The following RBFOX1 variants were observed in gnomAD, a reference collection of about 807,000 sequenced individuals.
RBFOX1 encodes the protein RNA binding fox-1 homolog 1.
A neutral mutation model predicts 57.7 loss-of-function variants in RBFOX1; 8 were observed. That is an observed-to-expected ratio of 0.14 (90% CI 0.08 to 0.25). The LOEUF is 0.25. RBFOX1 is among the 10% of genes least tolerant of loss of function. RBFOX1 has a pLI of 1.00. For missense variants in RBFOX1, 611 were observed against 548.5 expected, an observed-to-expected ratio of 1.11 and a Z score of -1.14; for synonymous variants, 326 against 222.4, an observed-to-expected ratio of 1.47 and a Z score of -4.15.
chr16:6,129,761 A>G (rs1319847947), intron 1 of RBFOX1, among the ~76,000 whole-genome samples: 1 of 149,396 alleles, frequency 6.7e-6, no homozygotes, highest in African/African-American at 2.5e-5. Context: ...AAAAAAAACC[A>G]TAGATAATAT....
At chr16:7,513,250 C>T (rs1037895444) in intron 4 of RBFOX1, among the ~76,000 whole-genome samples, 6 of 140,694 alleles carry the variant, frequency 4.3e-5, no homozygotes, top group Non-Finnish European at 7.6e-5. Flanking sequence ...GTAACAGGAG[C>T]AAAACTCTGT....
intron 3 of RBFOX1, among the ~76,000 whole-genome samples, chr16:5,849,777 G>A (rs192571060): frequency 1.4e-4 from 22 of 152,160 alleles, no homozygotes; most frequent in Admixed American, 3.3e-4. Context: ...AGTGTGCAGC[G>A]TCTCTCTTCC....
intron 3 of RBFOX1, among the ~76,000 whole-genome samples, chr16:5,667,882 C>T (rs12928116): frequency 0.098 from 14,981 of 152,154 alleles, 952 homozygotes; most frequent in East Asian, 0.22. Flanking sequence ...ATTGATGCAG[C>T]GAAACTGCCT....
rs28713594 is a variant in RBFOX1, at chr16:6,674,482, C to T, written c.-16+19832C>T. 4.3e-3 allele frequency among the ~76,000 whole-genome samples: 653 copies of T among 152,062 alleles called. 7 individuals are homozygous for T. Among genetic ancestry groups the T allele is most frequent in the African/African-American group, 0.015 (616 of 41,482 alleles). ...GATTATAGGCACCTGTCACCATGCC[C>T]GGCTAATTTTTGTATTTTTAGTAGA... On this transcript the variant is annotated intron_variant, in intron 3 of 15. Transcript: ENST00000550418.
chr16:5,954,908 C>G (rs76003457), intron 4 of RBFOX1, among the ~76,000 whole-genome samples: 2 of 151,780 alleles, frequency 1.3e-5, no homozygotes, highest in Admixed American at 1.3e-4. Context: ...CTCACTGTTT[C>G]TAAGTGAACA....
intron 2 of RBFOX1, among the ~76,000 whole-genome samples, chr16:6,572,019 G>C (rs933219173): frequency 4.3e-4 from 66 of 152,056 alleles, no homozygotes; most frequent in Admixed American, 2.0e-4. Context: ...TACATGGCCT[G>C]TATAAGTATA....
intron 2 of RBFOX1, among the ~76,000 whole-genome samples, chr16:5,594,722 A>G (rs11076940): frequency 0.11 from 16,846 of 152,154 alleles, 1,167 homozygotes; most frequent in East Asian, 0.32. Flanking sequence ...TTTGAATGCA[A>G]TGGGAGGCAA....
At chr16:6,933,799 T>G (rs1322478320) in intron 3 of RBFOX1, among the ~76,000 whole-genome samples, 1 of 152,216 alleles carries the variant, frequency 6.6e-6, no homozygotes, top group South Asian at 2.1e-4. Flanking sequence ...GTGTTCATTT[T>G]CTATATCCAA....
chr16:5,472,783 G>A (rs887278922), intron 2 of RBFOX1, among the ~76,000 whole-genome samples: 11 of 152,156 alleles, frequency 7.2e-5, no homozygotes, highest in African/African-American at 2.4e-4. Flanking sequence ...AATTACCAGC[G>A]TAATTAGAGC....
At chr16:6,953,160 A>T (rs2081106818) in intron 3 of RBFOX1, among the ~76,000 whole-genome samples, 1 of 152,156 alleles carries the variant, frequency 6.6e-6, no homozygotes, top group African/African-American at 2.4e-5. Flanking sequence ...ACTGAAGGAA[A>T]AATAACCATG....
rs145537777 is a variant in RBFOX1, at chr16:7,031,166, G to C, written c.-15-20891G>C. On this transcript the variant is annotated intron_variant, in intron 3 of 15. Coordinates refer to ENST00000550418, the MANE Select transcript of RBFOX1 (RefSeq NM_018723.4). ...GATAGTGGCTACAGCTTTGCATGTA[G>C]AGAGTCAGCAATGCCTTACAGTTAA... Among the ~76,000 whole-genome samples, 60 of 152,256 alleles carry C rather than the reference G, an allele frequency of 3.9e-4. No homozygotes were observed. In the East Asian group the frequency reaches 0.011, roughly 28 times the overall value.
chr16:7,638,877 A>G (rs1981652), intron 11 of RBFOX1, among the ~76,000 whole-genome samples: 147,717 of 152,186 alleles, frequency 0.97, 71,860 homozygotes, highest in Middle Eastern at 1. Flanking sequence ...ACTTAAAAGG[A>G]CAGAACATGG....
chr16:5,361,362 A>C (rs981132793), intron 1 of RBFOX1, among the ~76,000 whole-genome samples: 1 of 152,224 alleles, frequency 6.6e-6, no homozygotes, highest in African/African-American at 2.4e-5. Context: ...CCAGAGGTCT[A>C]GGTTATAAGA....
intron 4 of RBFOX1, among the ~76,000 whole-genome samples, chr16:7,169,352 G>C (rs1367658987): frequency 6.6e-6 from 1 of 152,172 alleles, no homozygotes; most frequent in Non-Finnish European, 1.5e-5. Context: ...AGCACTATGG[G>C]TATATTGGGT....
intron 4 of RBFOX1, among the ~76,000 whole-genome samples, chr16:7,488,866 C>T (rs974870924): frequency 2.6e-5 from 4 of 152,106 alleles, no homozygotes; most frequent in Non-Finnish European, 4.4e-5. Context: ...TACATTCATC[C>T]CCTACTTATC....
intron 3 of RBFOX1, among the ~76,000 whole-genome samples, chr16:5,733,799 C>T (rs1212841200): frequency 1.3e-5 from 2 of 151,928 alleles, no homozygotes; most frequent in African/African-American, 4.8e-5. Flanking sequence ...TTCCTTCCTT[C>T]TCACCTTTCC....
At chr16:7,167,052 C>T (rs1364148173) in intron 4 of RBFOX1, among the ~76,000 whole-genome samples, 1 of 127,644 alleles carries the variant, frequency 7.8e-6, no homozygotes, top group Non-Finnish European at 1.6e-5. Flanking sequence ...GTGGTGTGAT[C>T]TCAGCTCGCT....
At chr16:5,404,929 C>G (rs1169192111) in intron 1 of RBFOX1, among the ~76,000 whole-genome samples, 2 of 152,198 alleles carry the variant, frequency 1.3e-5, no homozygotes, top group South Asian at 2.1e-4. Flanking sequence ...CATTCTGGGT[C>G]TGAGGAACTT....
At chr16:6,230,918 T>A (rs1294467104) in intron 1 of RBFOX1, among the ~76,000 whole-genome samples, 2 of 152,140 alleles carry the variant, frequency 1.3e-5, no homozygotes, top group Admixed American at 1.3e-4. Flanking sequence ...CAGTGTCAAA[T>A]GTTGGTAGAA....
Sources: gnomAD v4.1 joint callset for allele counts (sites outside exome capture counted in the v4.1 genomes callset) on GRCh38, gnomAD v4.1.1 for gene constraint, MANE v1.5 for transcripts, NCBI Gene and HGNC (gene_info 2026-07-23, HGNC 2026-07-21) for gene names.